SASH1: variants seen among roughly 807,000 people sequenced by gnomAD.
SASH1 encodes SAM and SH3 domain containing 1.
A neutral mutation model predicts 125.2 loss-of-function variants in SASH1; 44 were observed. That is an observed-to-expected ratio of 0.35 (90% CI 0.28 to 0.45). The LOEUF (loss-of-function observed/expected upper bound fraction) is 0.45. Among genes scored for constraint, SASH1 ranks in the 20% least tolerant of loss-of-function variants. The pLI, the probability that SASH1 is intolerant of heterozygous loss-of-function variation, is 1.00. For synonymous variants in SASH1, 639 were observed against 649.1 expected (o/e 0.98, Z 0.24); for missense variants, 1,426 against 1,614.5 (o/e 0.88, Z 2.00).
the SASH1 span, among the ~76,000 whole-genome samples, chr6:148,198,139 C>T: frequency 6.6e-6 from 1 of 152,140 alleles, no homozygotes; most frequent in Non-Finnish European, 1.5e-5. Context: ...CATGAGCTGC[C>T]GTGCCTGTCT....
chr6:148,524,178 G>T (rs1391286116), intron 10 of SASH1, among the ~76,000 whole-genome samples: 1 of 131,208 alleles, frequency 7.6e-6, no homozygotes, highest in African/African-American at 2.8e-5. Context: ...AAAAGTAATC[G>T]CAGTTTTTAC....
At chr6:148,431,516 G>A (rs1005163550) in intron 2 of SASH1, among the ~76,000 whole-genome samples, 6 of 152,246 alleles carry the variant, frequency 3.9e-5, no homozygotes, top group Non-Finnish European at 8.8e-5. Context: ...TGAATTTTAA[G>A]TCCTGGTAAA....
At chr6:148,411,807 G>A (rs1784642222) in intron 2 of SASH1, among the ~76,000 whole-genome samples, 1 of 152,224 alleles carries the variant, frequency 6.6e-6, no homozygotes, top group Non-Finnish European at 1.5e-5. Flanking sequence ...GCCTCCCAAA[G>A]TGCTGAGATT....
chr6:148,257,439 G>A, the SASH1 span, among the ~76,000 whole-genome samples: 1 of 152,138 alleles, frequency 6.6e-6, no homozygotes, highest in African/African-American at 2.4e-5. Context: ...AGTTCCCGAG[G>A]CCAGACCTCA....
chr6:148,405,375 G>T (rs190536931), intron 2 of SASH1, among the ~76,000 whole-genome samples: 1 of 152,098 alleles, frequency 6.6e-6, no homozygotes, highest in Non-Finnish European at 1.5e-5. Flanking sequence ...CTTCCTTCCC[G>T]CCTTGACTAG....
rs368157836 is a variant in SASH1 at position 148,395,873 on chromosome 6, G to T, written c.285+5611G>T. ...CATGGTCAGGAAAGTACTCAAGGTG[G>T]CTTCTTATTACTGGCAGTATCAGCT... is the stretch of plus-strand genomic sequence containing the variant. On this transcript the variant is annotated intron_variant, in intron 2 of 19. Coordinates refer to ENST00000367467, the MANE Select transcript of SASH1 (RefSeq NM_015278.5). Among the ~76,000 whole-genome samples, 13 of 152,292 alleles carry T rather than the reference G, an allele frequency of 8.5e-5. No homozygotes were observed. The East Asian group carries it at 1.7e-3, about 20-fold the overall frequency.
At chr6:148,234,045 G>A in the SASH1 span, among the ~76,000 whole-genome samples, 1 of 151,862 alleles carries the variant, frequency 6.6e-6, no homozygotes, top group Non-Finnish European at 1.5e-5. Context: ...GTGGGGATAG[G>A]GATACAATTT....
the SASH1 span, among the ~76,000 whole-genome samples, chr6:148,265,704 C>T: frequency 6.6e-6 from 1 of 152,166 alleles, no homozygotes; most frequent in Admixed American, 6.5e-5. Flanking sequence ...CTCAAGACCC[C>T]ACAGCTAAAA....
At chr6:148,246,745 T>C in the SASH1 span, among the ~76,000 whole-genome samples, 1 of 152,344 alleles carries the variant, frequency 6.6e-6, no homozygotes, top group East Asian at 1.9e-4. Context: ...CAAAATATTA[T>C]GAATACTTTT....
chr6:148,434,110 A>G (rs1418371698), intron 2 of SASH1, among the ~76,000 whole-genome samples: 2 of 104,976 alleles, frequency 1.9e-5, no homozygotes, highest in Middle Eastern at 0.021. Flanking sequence ...GGAGGCTTGC[A>G]CTGTCCCCCA....
At chr6:148,195,359 G>C in the SASH1 span, among the ~76,000 whole-genome samples, 1 of 152,206 alleles carries the variant, frequency 6.6e-6, no homozygotes, top group East Asian at 1.9e-4. Context: ...AAACCTATGG[G>C]GACTGGGCAG....
At chr6:148,403,569 C>T (rs1784262317) in intron 2 of SASH1, among the ~76,000 whole-genome samples, 1 of 152,174 alleles carries the variant, frequency 6.6e-6, no homozygotes, top group African/African-American at 2.4e-5. Context: ...TTGCTCTTGT[C>T]ACCTAGGCTG....
rs1040906629 is a variant in SASH1, at chr6:148,532,427, T to A, written c.1565-370T>A. On this transcript the variant is annotated intron_variant, in intron 13 of 19. Transcript: ENST00000367467. The surrounding 1 kb of genome is among the most constrained non-coding windows in gnomAD (Gnocchi z 4.7). Reference sequence around the variant, plus strand: ...TACCCTTTTGGGCAAATGACATGACTGCTCTGAATTTGTTTCCTCATCTGT... The same window carrying A: ...TACCCTTTTGGGCAAATGACATGACAGCTCTGAATTTGTTTCCTCATCTGT... Among the ~76,000 whole-genome samples, 1 of 152,254 alleles carries A rather than the reference T, an allele frequency of 6.6e-6. No homozygotes were observed. The highest frequency in any genetic ancestry group is 1.9e-4 in the East Asian group (1 of 5,204).
chr6:148,268,812 G>A (rs1048554879), upstream of SASH1, among the ~76,000 whole-genome samples: 1 of 152,176 alleles, frequency 6.6e-6, no homozygotes, highest in African/African-American at 2.4e-5. Flanking sequence ...GAAAGATAAT[G>A]GAGATTGATT....
intron 1 of SASH1, among the ~76,000 whole-genome samples, chr6:148,355,558 C>T (rs1781897986): frequency 6.6e-6 from 1 of 152,140 alleles, no homozygotes; most frequent in African/African-American, 2.4e-5. Flanking sequence ...GCTAGTTACC[C>T]CACGTTAATA....
intron 2 of SASH1, among the ~76,000 whole-genome samples, chr6:148,421,181 G>GAA (rs1378366449): frequency 2.8e-5 from 4 of 143,296 alleles, no homozygotes; most frequent in African/African-American, 1.0e-4. Flanking sequence ...AAGAAAGAAA[G>GAA]AAAGAAAGAA....
intron 2 of SASH1, among the ~76,000 whole-genome samples, chr6:148,397,664 A>T (rs1040193886): frequency 2.6e-5 from 4 of 152,314 alleles, no homozygotes; most frequent in South Asian, 2.1e-4. Flanking sequence ...GTTTGAGGGC[A>T]GGGATTTTTG....
Position 148,549,671 on chromosome 6 carries a change from CTAT to C in SASH1, c.*1120_*1122del. The C allele has an allele frequency of 2.5e-6, 1 of 398,896 alleles. No individual in the cohort carries two copies. Among genetic ancestry groups the C allele is most frequent in the Non-Finnish European group, 4.4e-6 (1 of 225,996 alleles). The allele number at this position is 398,896 out of a possible 1,614,324, so 24.7% of individuals were successfully genotyped here. On this transcript the variant is annotated 3_prime_UTR_variant, in exon 20 of 20. Transcript: ENST00000367467. Reference sequence around the variant, plus strand: ...AGACTTTTCAGTATTACAACTAATACTATTATTATCCTTCTTTTTTTATTTAGA... The same window carrying C: ...AGACTTTTCAGTATTACAACTAATACTATTATCCTTCTTTTTTTATTTAGA...
intron 1 of SASH1, among the ~76,000 whole-genome samples, chr6:148,314,043 C>G (rs1336848717): frequency 6.6e-6 from 1 of 151,418 alleles, no homozygotes; most frequent in Non-Finnish European, 1.5e-5. Flanking sequence ...CAGAAACAAG[C>G]TTTTGCGTCT....
Sources: gnomAD v4.1 joint callset for allele counts (sites outside exome capture counted in the v4.1 genomes callset) on GRCh38, gnomAD v4.1.1 for gene constraint, Gnocchi (gnomAD v3.1) non-coding constraint, MANE v1.5 for transcripts, NCBI Gene and HGNC (gene_info 2026-07-23, HGNC 2026-07-21) for gene names.